Variants in SHTN1 observed in about 807,000 individuals in gnomAD.
SHTN1 encodes the protein shootin-1.
In SHTN1, 42 loss-of-function variants were observed where a neutral mutation model predicts 83.1. That is an observed-to-expected ratio of 0.51 (90% CI 0.39 to 0.65). The LOEUF (loss-of-function observed/expected upper bound fraction) is 0.65. Among genes scored for constraint, SHTN1 ranks in the 30% least tolerant of loss-of-function variants. The pLI is 0.00. For missense variants in SHTN1, 622 were observed against 737.8 expected, an observed-to-expected ratio of 0.84 and a Z score of 1.82; for synonymous variants, 224 against 247.7, an observed-to-expected ratio of 0.90 and a Z score of 0.90.
intron 1 of SHTN1, among the ~76,000 whole-genome samples, chr10:117,077,857 T>C (rs567821334): frequency 6.6e-6 from 1 of 152,302 alleles, no homozygotes; most frequent in Admixed American, 6.5e-5. Context: ...AGCCTCCACT[T>C]TGGATGAATC....
chr10:116,936,973 T>A lies in SHTN1; in HGVS notation c.858+3493A>T, dbSNP rs1016750790. ...GTTTTAAGTCTGTTTTATCAGAGAGTAGGATTGCAACCCCTGCTTTTTTTT... is the reference window on the plus strand; with the variant it reads ...GTTTTAAGTCTGTTTTATCAGAGAGAAGGATTGCAACCCCTGCTTTTTTTT... On this transcript the variant is annotated intron_variant, in intron 9 of 16. Coordinates refer to ENST00000355371, the MANE Select transcript of SHTN1 (RefSeq NM_001127211.3). Among the ~76,000 whole-genome samples, 4 of 152,274 alleles carry A rather than the reference T, an allele frequency of 2.6e-5. No homozygotes were observed. The Middle Eastern group carries it at 0.01, about 388-fold the overall frequency.
At chr10:117,005,209 C>T (rs1851974491), upstream of SHTN1, 4 of 1,504,218 alleles carry the variant, frequency 2.7e-6, no homozygotes, top group Admixed American at 2.0e-5. Flanking sequence ...CGCTCCCGCT[C>T]CTCCTCCTCC....
rs150206703 is a variant in SHTN1, at chr10:117,109,911, C to T, written c.-189+16396G>A. Among the ~76,000 whole-genome samples, 7 of 152,084 alleles carry T rather than the reference C, an allele frequency of 4.6e-5. No homozygotes were observed. In the East Asian group the frequency reaches 1.4e-3, roughly 29 times the overall value. On this transcript the variant is annotated intron_variant, in intron 1 of 17. Coordinates refer to the SHTN1 transcript ENST00000392901. Reference sequence around the variant, plus strand: ...ATAAGTAATAATCTTCAGAATATTACCTTATAAACCTGATCTTATAATTAT... The same window carrying T: ...ATAAGTAATAATCTTCAGAATATTATCTTATAAACCTGATCTTATAATTAT...
chr10:117,073,613 C>T (rs867562351), intron 1 of SHTN1, among the ~76,000 whole-genome samples: 4 of 152,202 alleles, frequency 2.6e-5, no homozygotes, highest in African/African-American at 9.6e-5. Context: ...ACATCCAGAA[C>T]ATACCAACAT....
upstream of SHTN1, among the ~76,000 whole-genome samples, chr10:117,008,343 T>C (rs985541560): frequency 1.3e-5 from 2 of 152,076 alleles, no homozygotes; most frequent in Non-Finnish European, 1.5e-5. Flanking sequence ...TATGTCATCT[T>C]TTGAGGTATA....
intron 14 of SHTN1, among the ~76,000 whole-genome samples, chr10:116,909,704 T>C (rs1183389390): frequency 2.0e-5 from 3 of 152,266 alleles, no homozygotes; most frequent in Admixed American, 6.5e-5. Context: ...GAAAATAGAA[T>C]AGGGGTTTGA....
At chr10:116,926,439 T>C (rs538095432) in intron 11 of SHTN1, among the ~76,000 whole-genome samples, 8 of 152,338 alleles carry the variant, frequency 5.3e-5, no homozygotes, top group Admixed American at 3.3e-4. Flanking sequence ...GATTTTAAAA[T>C]ACCTGAAATT....
Position 117,075,472 on chromosome 10 carries a change from G to A in SHTN1, c.-188-26962C>T, listed in dbSNP as rs181341232. Among the ~76,000 whole-genome samples the A allele has an allele frequency of 3.1e-4, 47 of 152,324 alleles. No homozygotes were observed. In the East Asian group the frequency reaches 8.1e-3, roughly 26 times the overall value. On this transcript the variant is annotated intron_variant, in intron 1 of 17. Coordinates refer to the SHTN1 transcript ENST00000392901. Reference sequence around the variant, plus strand: ...TGCCAGGTATTCTGTTAGACACTGAGGATGCAACAGTGACCAAGAAAAGCA... The same window carrying A: ...TGCCAGGTATTCTGTTAGACACTGAAGATGCAACAGTGACCAAGAAAAGCA...
rs114133467 is a variant in SHTN1, at chr10:117,046,416, T to C, written c.-123+2029A>G. ...GTGGAGAAATTGGAAGCATCATACA[T>C]TGCCAGTGGGAATATTAAATAGTGT... On this transcript the variant is annotated intron_variant, in intron 2 of 17. Transcript: ENST00000392901. 7.2e-3 allele frequency among the ~76,000 whole-genome samples: 1,101 copies of C among 152,288 alleles called. 13 individuals are homozygous for C. Among genetic ancestry groups the C allele is most frequent in the East Asian group, 0.022 (113 of 5,188 alleles).
At position 116,886,356 on chromosome 10, in the gene SHTN1, GCTGT is replaced by G. The variant is rs1443781605; in HGVS notation, c.1880_1883del (p.Asp627AlafsTer7). 4.5e-6 allele frequency: 7 copies of G among 1,553,548 alleles called. No homozygotes were observed. Among genetic ancestry groups the G allele is most frequent in the East Asian group, 2.4e-5 (1 of 41,002 alleles). ...TCTGGTTTATGGATCAGCAGTTGGA[GCTGT>G]CTGTCTCTCTCACGTTTTCAATGCT... On this transcript the variant is annotated frameshift_variant, in exon 17 of 17. Transcript: ENST00000355371. LOFTEE classifies it high-confidence loss of function.
At chr10:116,959,423 C>T (rs755233851) in intron 4 of SHTN1, among the ~76,000 whole-genome samples, 3 of 151,938 alleles carry the variant, frequency 2.0e-5, no homozygotes, top group Non-Finnish European at 4.4e-5. Context: ...AAGAAATTTT[C>T]GGAGGTGGGT....
chr10:117,117,177 A>C (rs1668489331), intron 1 of SHTN1, among the ~76,000 whole-genome samples: 1 of 152,184 alleles, frequency 6.6e-6, no homozygotes, highest in South Asian at 2.1e-4. Flanking sequence ...CCACCAAAAG[A>C]ACTGCTAAGA....
At chr10:117,029,816 T>C (rs951992752) in intron 2 of SHTN1, among the ~76,000 whole-genome samples, 1 of 151,938 alleles carries the variant, frequency 6.6e-6, no homozygotes, top group Admixed American at 6.6e-5. Context: ...TGTGATACCA[T>C]GAGCCAGTTA....
chr10:117,126,074 TC>T (rs1854001156), intron 1 of SHTN1, among the ~76,000 whole-genome samples: 1 of 152,122 alleles, frequency 6.6e-6, no homozygotes, highest in South Asian at 2.1e-4. Context: ...AGGGCGTGGG[TC>T]TGGAGGGCGG....
Position 116,915,382 on chromosome 10 carries a change from T to C in SHTN1, c.1298A>G (p.Lys433Arg), listed in dbSNP as rs752369458. 1 of 1,557,302 alleles carries C rather than the reference T, an allele frequency of 6.4e-7. No homozygotes were observed. Among genetic ancestry groups the C allele is most frequent in the South Asian group, 1.1e-5 (1 of 89,798 alleles). The change falls in exon 13 of 17, where the codon AAG becomes AGG. Residue 433 changes from lysine to arginine, a missense_variant. Transcript: ENST00000355371. Reference protein sequence around the residue: ...LRPVNQTARPKTKPESSKGCE... With the variant: ...LRPVNQTARPRTKPESSKGCE... ...CATTCAGTCACTCCATACCTTTGTC[T>C]TCGGTCTGGCTGTCTGATTAACGGG...
At chr10:116,911,681 T>C in intron 14 of SHTN1, 109 bp downstream of exon 14, 3 of 1,580,798 alleles carry the variant, frequency 1.9e-6, no homozygotes, top group East Asian at 2.3e-5. Context: ...ATGAGGCTAA[T>C]TGTAAATGGG....
intron 2 of SHTN1, among the ~76,000 whole-genome samples, chr10:117,014,566 T>C (rs1188001424): frequency 6.6e-6 from 1 of 152,086 alleles, no homozygotes; most frequent in African/African-American, 2.4e-5. Flanking sequence ...ACTCTACATG[T>C]AGGGTAGGGT....
At chr10:116,943,523 G>A (rs1285368820) in intron 8 of SHTN1, among the ~76,000 whole-genome samples, 1 of 152,144 alleles carries the variant, frequency 6.6e-6, no homozygotes, top group East Asian at 1.9e-4. Context: ...TTTCCAGAGA[G>A]CTCTGACACA....
intron 16 of SHTN1, among the ~76,000 whole-genome samples, chr10:116,896,521 T>TA (rs1412985481): frequency 6.6e-6 from 1 of 152,120 alleles, no homozygotes; most frequent in East Asian, 1.9e-4. Flanking sequence ...TATGTCACAT[T>TA]AAAAAAATAC....
Sources: allele counts gnomAD v4.1 joint callset (sites outside exome capture counted in the v4.1 genomes callset), GRCh38; gene constraint gnomAD v4.1.1; transcripts MANE v1.5; gene names NCBI Gene and HGNC (gene_info 2026-07-23, HGNC 2026-07-21).